POFUT2: variants seen among roughly 807,000 people sequenced by gnomAD.
The protein encoded by POFUT2 is GDP-fucose protein O-fucosyltransferase 2.
Under a neutral mutation model 55.0 loss-of-function variants are expected in POFUT2, and 30 were observed. The ratio of observed to expected loss-of-function variants is 0.55; its 90% CI spans 0.41 to 0.74. The LOEUF is 0.74. Ranked by LOEUF, POFUT2 falls within the 30% of genes least tolerant of loss-of-function variation. The pLI is 0.00. For missense variants in POFUT2, 524 were observed against 562.6 expected, an observed-to-expected ratio of 0.93 and a Z score of 0.69; for synonymous variants, 267 against 231.1, an observed-to-expected ratio of 1.16 and a Z score of -1.41.
intron 6 of POFUT2, among the ~76,000 whole-genome samples, chr21:45,273,464 T>C (rs1490842550): frequency 6.6e-6 from 1 of 152,140 alleles, no homozygotes; most frequent in African/African-American, 2.4e-5. Context: ...GAAGAAGTGG[T>C]ATCAATTCTA....
In POFUT2 at chr21:45,270,136, G is replaced by C. The variant is rs528765660; in HGVS notation, c.832-117C>G. On this transcript the variant is annotated intron_variant, in intron 6 of 8. Transcript: ENST00000349485. This position sits in a 1 kb window ranked among gnomAD's most constrained non-coding sequence, Gnocchi z 4.6. Reference sequence around the variant, plus strand: ...ACCCTTTCCATGTGGCCTCCTCCACGGGGTGGCTCCAGGGCTGTCTAAGGG... The same window carrying C: ...ACCCTTTCCATGTGGCCTCCTCCACCGGGTGGCTCCAGGGCTGTCTAAGGG... 73 of 732,008 alleles carry C rather than the reference G, an allele frequency of 1.0e-4. No homozygotes were observed. In the African/African-American group the frequency reaches 1.3e-3, roughly 13 times the overall value. 45.3% of individuals were successfully genotyped at this position (732,008 alleles called of 1,614,324 possible). A position where few individuals can be genotyped will look rare whatever the true frequency, so the allele number is the denominator to read the frequency against.
intron 7 of POFUT2, among the ~76,000 whole-genome samples, chr21:45,268,324 G>A (rs187111203): frequency 0.013 from 2,019 of 152,190 alleles, 42 homozygotes; most frequent in African/African-American, 0.046. Context: ...GCGTGATCTC[G>A]GCTCGCTACA....
intron 5 of POFUT2, 59 bp downstream of exon 5, chr21:45,278,044 A>C: frequency 7.7e-7 from 1 of 1,302,920 alleles, no homozygotes; most frequent in Admixed American, 1.7e-5. Context: ...AAATTTTCAA[A>C]AGCTAAATAA....
chr21:45,282,428 C>T lies in POFUT2; in HGVS notation c.559G>A (p.Gly187Ser). 1 of 1,611,856 alleles carries T rather than the reference C, an allele frequency of 6.2e-7. No homozygotes were observed. Among genetic ancestry groups the T allele is most frequent in the Non-Finnish European group, 8.5e-7 (1 of 1,178,238 alleles). ...ACGGACAGACAGGAGACGTTTAGAC[C>T]CCTGGTCTCCTCATAACCCCAAAAC... is the stretch of plus-strand genomic sequence containing the variant. ...GWFWGYEETR[G>S]LNVSCLSVQG... Residue 187 changes from glycine to serine, a missense_variant, in exon 4 of 9, where the codon GGT becomes AGT. Around this residue, in one of 2 missense-constraint regions of POFUT2, gnomAD observed 274 missense variants for 244.4 expected, o/e 1.12. Coordinates refer to ENST00000349485, the MANE Select transcript of POFUT2 (RefSeq NM_133635.6). This position sits in a 1 kb window ranked among gnomAD's most constrained non-coding sequence, Gnocchi z 4.6.
At position 45,270,117 on chromosome 21, in the gene POFUT2, T is replaced by G; in HGVS notation, c.832-98A>C. 2.1e-6 allele frequency: 2 copies of G among 955,286 alleles called. No homozygotes were observed. The highest frequency in any genetic ancestry group is 6.8e-5 in the Admixed American group (2 of 29,454). The allele number at this position is 955,286 out of a possible 1,614,324, so 59.2% of individuals were successfully genotyped here. On this transcript the variant is annotated intron_variant, in intron 6 of 8. Coordinates refer to ENST00000349485, the MANE Select transcript of POFUT2 (RefSeq NM_133635.6). This position sits in a 1 kb window ranked among gnomAD's most constrained non-coding sequence, Gnocchi z 4.6. Reference sequence around the variant, plus strand: ...CTCGAGACGCAGAGGGATGACCCTTTCCATGTGGCCTCCTCCACGGGGTGG... The same window carrying G: ...CTCGAGACGCAGAGGGATGACCCTTGCCATGTGGCCTCCTCCACGGGGTGG...
chr21:45,287,627 TGCCCCTGACCCCATCCCATCTCCCTG>T, intron 1 of POFUT2, 88 bp downstream of exon 1: 1 of 831,020 alleles, frequency 1.2e-6, no homozygotes, highest in Non-Finnish European at 1.4e-6. Context: ...CCCGTGGGCC[TGCCCCTGACCCCATCCCATCTCCCTG>T]GCCCCTGACC....
chr21:45,275,826 A>C (rs2093258094), intron 6 of POFUT2, among the ~76,000 whole-genome samples: 1 of 152,174 alleles, frequency 6.6e-6, no homozygotes, highest in Non-Finnish European at 1.5e-5. Flanking sequence ...AAAATCTCAG[A>C]AACTACCACT....
chr21:45,280,090 A>G (rs2146638108), intron 4 of POFUT2, among the ~76,000 whole-genome samples: 1 of 152,270 alleles, frequency 6.6e-6, no homozygotes, highest in Non-Finnish European at 1.5e-5. Flanking sequence ...GACATTCCGC[A>G]CGGGCACAGG....
At chr21:45,276,273 A>G (rs990227841) in intron 6 of POFUT2, among the ~76,000 whole-genome samples, 3 of 151,876 alleles carry the variant, frequency 2.0e-5, no homozygotes, top group Non-Finnish European at 4.4e-5. Context: ...AAGAAACACA[A>G]GTGGGATAAA....
chr21:45,268,257 T>C (rs561602401), intron 7 of POFUT2, among the ~76,000 whole-genome samples: 10 of 152,370 alleles, frequency 6.6e-5, no homozygotes, highest in African/African-American at 2.2e-4. Flanking sequence ...GGTGCTGGGA[T>C]TGCAGACGGA....
Position 45,265,589 on chromosome 21 carries a change from C to T in POFUT2, c.1183G>A (p.Glu395Lys). Residue 395 changes from glutamate (E) to lysine (K), a missense_variant, in exon 9 of 9, where the codon GAG becomes AAG. Coordinates refer to ENST00000349485, the MANE Select transcript of POFUT2 (RefSeq NM_133635.6). This position sits in a 1 kb window ranked among gnomAD's most constrained non-coding sequence, Gnocchi z 4.6. The part of the protein sequence containing the change: ...SVSTFSFRIH[E>K]EREILGLDPK... ...TCCAACCCCAGGATTTCTCTTTCCT[C>T]ATGAATCCGAAAAGAAAATGTTGAG... 1.2e-6 allele frequency: 2 copies of T among 1,613,990 alleles called. No individual in the cohort carries two copies. Among genetic ancestry groups the T allele is most frequent in the Non-Finnish European group, 8.5e-7 (1 of 1,179,978 alleles).
chr21:45,279,162 T>A (rs59425758), intron 4 of POFUT2, among the ~76,000 whole-genome samples: 30 of 151,212 alleles, frequency 2.0e-4, no homozygotes, highest in Non-Finnish European at 3.2e-4. Flanking sequence ...GAGGCCAAGG[T>A]GGGCGGATCA....
intron 2 of POFUT2, 30 bp from the exon 3 acceptor site, chr21:45,283,557 G>A (rs1359944451): frequency 1.2e-6 from 2 of 1,611,726 alleles, no homozygotes; most frequent in Non-Finnish European, 1.7e-6. Flanking sequence ...GCCAGGCAGT[G>A]TGACAGCGAT....
At chr21:45,275,884 T>TAA (rs59278722) in intron 6 of POFUT2, among the ~76,000 whole-genome samples, 14 of 147,158 alleles carry the variant, frequency 9.5e-5, no homozygotes, top group South Asian at 6.4e-4. Context: ...TGATTAAGGC[T>TAA]AAAAAAAAAA....
At position 45,282,682 on chromosome 21, in the gene POFUT2, T is replaced by A. The variant is rs1485535413; in HGVS notation, c.528-223A>T. 7.1e-6 allele frequency: 4 copies of A among 562,570 alleles called. No individual in the cohort carries two copies. Among genetic ancestry groups the A allele is most frequent in the Non-Finnish European group, 1.3e-5 (4 of 307,112 alleles). 34.8% of individuals were successfully genotyped at this position (562,570 alleles called of 1,614,324 possible). A position where few individuals can be genotyped will look rare whatever the true frequency, so the allele number is the denominator to read the frequency against. ...TGGACCACTGAGGCTTTCCCCATGATAGGGGCTGGCGGGATGGCCGGGGAG... is the reference window on the plus strand; with the variant it reads ...TGGACCACTGAGGCTTTCCCCATGAAAGGGGCTGGCGGGATGGCCGGGGAG... On this transcript the variant is annotated intron_variant, in intron 3 of 8. Coordinates refer to ENST00000349485, the MANE Select transcript of POFUT2 (RefSeq NM_133635.6). The surrounding 1 kb of genome is among the most constrained non-coding windows in gnomAD (Gnocchi z 4.6).
Position 45,277,226 on chromosome 21 carries a change from C to G in POFUT2, c.706-84G>C. On this transcript the variant is annotated intron_variant, in intron 5 of 8. Coordinates refer to ENST00000349485, the MANE Select transcript of POFUT2 (RefSeq NM_133635.6). The surrounding 1 kb of genome is among the most constrained non-coding windows in gnomAD (Gnocchi z 6.9). ...GAGCGGGTTCTCCTGTCGCTGCCAC[C>G]ACCCACCCCCGCAGCTGGAACAAGC... is the stretch of plus-strand genomic sequence containing the variant. 6.5e-7 allele frequency: 1 copy of G among 1,528,240 alleles called. No individual in the cohort carries two copies. Among genetic ancestry groups the G allele is most frequent in the Non-Finnish European group, 8.8e-7 (1 of 1,131,916 alleles). 94.7% of individuals were successfully genotyped at this position (1,528,240 alleles called of 1,614,324 possible).
In POFUT2 at chr21:45,264,330, C is replaced by T. The variant is rs890270458; in HGVS notation, c.*1152G>A. 24 of 152,308 alleles carry T rather than the reference C, an allele frequency of 1.6e-4. No individual in the cohort carries two copies. The highest frequency in any genetic ancestry group is 5.8e-4 in the African/African-American group (24 of 41,456). 9.4% of individuals were successfully genotyped at this position (152,308 alleles called of 1,614,324 possible). Reference sequence around the variant, plus strand: ...CAACCTGACTGAGGGTCACACGACACCATGGTGGAAAGTCACAAAGGGTAA... The same window carrying T: ...CAACCTGACTGAGGGTCACACGACATCATGGTGGAAAGTCACAAAGGGTAA... On this transcript the variant is annotated 3_prime_UTR_variant, in exon 9 of 9. Transcript: ENST00000349485.
At chr21:45,276,297 C>T (rs1357143160) in intron 6 of POFUT2, among the ~76,000 whole-genome samples, 1 of 150,270 alleles carries the variant, frequency 6.7e-6, no homozygotes, top group African/African-American at 2.5e-5. Context: ...GAAAAAAAAT[C>T]TTCTATATTT....
rs1467233893 is a variant in POFUT2, at chr21:45,284,185, T to G, written c.383-658A>C. On this transcript the variant is annotated intron_variant, in intron 2 of 8. Transcript: ENST00000349485. This position sits in a 1 kb window ranked among gnomAD's most constrained non-coding sequence, Gnocchi z 5.8. ...GGAGGGAGCACCGCGCAGGTGAAAT[T>G]CTGGGGCAGGAACAAAGCGGGAGGG... Among the ~76,000 whole-genome samples, 2 of 150,844 alleles carry G rather than the reference T, an allele frequency of 1.3e-5. No individual in the cohort carries two copies. The highest frequency in any genetic ancestry group is 3.0e-5 in the Non-Finnish European group (2 of 67,616).
Sources: gnomAD v4.1 joint callset for allele counts (sites outside exome capture counted in the v4.1 genomes callset) on GRCh38, gnomAD v4.1.1 for gene constraint, gnomAD v4.1.1 regional missense constraint, Gnocchi (gnomAD v3.1) non-coding constraint, MANE v1.5 for transcripts, NCBI Gene and HGNC (gene_info 2026-07-23, HGNC 2026-07-21) for gene names.